DOCK3: variants seen among roughly 807,000 people sequenced by gnomAD.
DOCK3 encodes the protein dedicator of cytokinesis 3, also known as dedicator of cytokinesis protein 3.
DOCK3 carries 60 observed loss-of-function variants against 265.6 expected under a neutral mutation model. The observed-to-expected ratio is 0.23, with a 90% CI of 0.18 to 0.28. The LOEUF (loss-of-function observed/expected upper bound fraction) is 0.28. Among genes scored for constraint, DOCK3 ranks in the 10% least tolerant of loss-of-function variants. The pLI, the probability that DOCK3 is intolerant of heterozygous loss-of-function variation, is 1.00. For synonymous variants in DOCK3, 881 were observed against 938.0 expected, an observed-to-expected ratio of 0.94 and a Z score of 1.11; for missense variants, 1,981 against 2,594.3, an observed-to-expected ratio of 0.76 and a Z score of 5.14.
At chr3:50,828,429 A>G (rs766998701) in intron 2 of DOCK3, among the ~76,000 whole-genome samples, 1 of 151,466 alleles carries the variant, frequency 6.6e-6, no homozygotes, top group Non-Finnish European at 1.5e-5. Flanking sequence ...TTTTGAGACA[A>G]AGTCTCACTA....
intron 1 of DOCK3, among the ~76,000 whole-genome samples, chr3:50,694,010 T>G (rs886421951): frequency 1.3e-5 from 2 of 152,024 alleles, no homozygotes; most frequent in Non-Finnish European, 2.9e-5. Flanking sequence ...GGCTCACGCC[T>G]GTAATCCCAG....
chr3:50,812,843 C>T (rs557287656), intron 2 of DOCK3, among the ~76,000 whole-genome samples: 36 of 152,316 alleles, frequency 2.4e-4, no homozygotes, highest in Non-Finnish European at 4.4e-4. Context: ...TAATAGTAAC[C>T]ATCACAGGCC....
chr3:50,873,872 C>A (rs574866225), intron 3 of DOCK3, among the ~76,000 whole-genome samples: 2 of 152,298 alleles, frequency 1.3e-5, no homozygotes, highest in Admixed American at 1.3e-4. Context: ...GTTTCTCCCC[C>A]AGCATACAGA....
chr3:51,305,723 T>TGTGC (rs1560398027), intron 27 of DOCK3, among the ~76,000 whole-genome samples: 2 of 48,808 alleles, frequency 4.1e-5, no homozygotes, highest in East Asian at 1.5e-3. Context: ...TGTCTGTGTG[T>TGTGC]GTGTGTGTGC....
chr3:51,279,974 A>C (rs1271927798), intron 26 of DOCK3, 132 bp from the exon 27 acceptor site: 4 of 696,348 alleles, frequency 5.7e-6, no homozygotes, highest in Non-Finnish European at 9.8e-6. Context: ...TTAGAGGGCT[A>C]GATTTGTCAT....
intron 28 of DOCK3, among the ~76,000 whole-genome samples, 154 bp downstream of exon 28, chr3:51,310,480 G>A (rs1261061019): frequency 6.6e-6 from 1 of 152,200 alleles, no homozygotes; most frequent in Non-Finnish European, 1.5e-5. Flanking sequence ...ACATTTTTGT[G>A]CTTAGTAGAT....
At chr3:51,321,798 G>A (rs545581044) in intron 32 of DOCK3, among the ~76,000 whole-genome samples, 2 of 152,148 alleles carry the variant, frequency 1.3e-5, no homozygotes, top group South Asian at 2.1e-4. Flanking sequence ...GAAAAGGAAT[G>A]AACAAAGCCT....
intron 1 of DOCK3, among the ~76,000 whole-genome samples, chr3:50,733,993 A>G (rs952401027): frequency 6.6e-6 from 1 of 152,212 alleles, no homozygotes; most frequent in African/African-American, 2.4e-5. Context: ...TTGACACAAC[A>G]TTGTGACTGT....
In DOCK3 at chr3:51,276,535, G is replaced by T. The variant is rs553211653; in HGVS notation, c.2677-1073G>T. On this transcript the variant is annotated intron_variant, in intron 25 of 52. Coordinates refer to ENST00000266037, the MANE Select transcript of DOCK3 (RefSeq NM_004947.5). Reference sequence around the variant, plus strand: ...ATAACTACCCAAAGATACATCACTGGTAAGTGTTATGATCAGTTCGACAGA... The same window carrying T: ...ATAACTACCCAAAGATACATCACTGTTAAGTGTTATGATCAGTTCGACAGA... 11 of 639,022 alleles carry T rather than the reference G, an allele frequency of 1.7e-5. No homozygotes were observed. The African/African-American group carries it at 2.2e-4, about 13-fold the overall frequency. 39.6% of individuals were successfully genotyped at this position (639,022 alleles called of 1,614,324 possible). A position where few individuals can be genotyped will look rare whatever the true frequency, so the allele number is the denominator to read the frequency against.
intron 10 of DOCK3, among the ~76,000 whole-genome samples, chr3:51,149,383 A>G (rs979114662): frequency 6.6e-5 from 10 of 152,154 alleles, no homozygotes; most frequent in African/African-American, 2.4e-4. Flanking sequence ...TATGTTGAAT[A>G]GGAGTGGTGA....
chr3:50,820,213 C>T (rs1576538757), intron 2 of DOCK3, among the ~76,000 whole-genome samples: 1 of 152,214 alleles, frequency 6.6e-6, no homozygotes, highest in East Asian at 1.9e-4. Context: ...CTTGCTTTCA[C>T]TTTACTCTGT....
chr3:50,970,553 C>A (rs2077167736), intron 5 of DOCK3, among the ~76,000 whole-genome samples: 2 of 151,704 alleles, frequency 1.3e-5, no homozygotes, highest in African/African-American at 4.8e-5. Context: ...CTCTGAGATT[C>A]TTTCCTCTGC....
intron 1 of DOCK3, among the ~76,000 whole-genome samples, chr3:50,772,014 C>G (rs1161301193): frequency 6.6e-6 from 1 of 152,166 alleles, no homozygotes; most frequent in Admixed American, 6.5e-5. Flanking sequence ...CAGCACTGTT[C>G]ACAATAGCCA....
At chr3:51,052,779 A>G (rs534285371) in intron 5 of DOCK3, among the ~76,000 whole-genome samples, 15 of 152,138 alleles carry the variant, frequency 9.9e-5, no homozygotes, top group African/African-American at 3.4e-4. Flanking sequence ...GACAGATGCT[A>G]TATGTAATCA....
At chr3:51,381,000 C>T (rs377131788) in intron 52 of DOCK3, 50 bp from the exon 53 acceptor site, 1 of 1,529,504 alleles carries the variant, frequency 6.5e-7, no homozygotes. Flanking sequence ...GCGGGCAAGT[C>T]AGCCTGTCTG....
chr3:51,309,189 G>A lies in DOCK3; in HGVS notation c.2923-1043G>A, dbSNP rs955318429. The stretch of plus-strand genomic sequence containing the variant: ...TCACTTCCCAGACGGGGTGGCGGCC[G>A]GGCAGAGGCTGCAATCTCGGCACTT... On this transcript the variant is annotated intron_variant, in intron 27 of 52. Transcript: ENST00000266037. Among the ~76,000 whole-genome samples, 5 of 152,146 alleles carry A rather than the reference G, an allele frequency of 3.3e-5. No individual in the cohort carries two copies. In the East Asian group the frequency reaches 5.8e-4, roughly 18 times the overall value.
chr3:51,030,782 G>C (rs1275508374), intron 5 of DOCK3, among the ~76,000 whole-genome samples: 1 of 152,104 alleles, frequency 6.6e-6, no homozygotes, highest in East Asian at 1.9e-4. Context: ...GACAACCTTG[G>C]CAGCACAAAC....
At chr3:50,810,555 T>C (rs1454820354) in intron 2 of DOCK3, among the ~76,000 whole-genome samples, 1 of 152,098 alleles carries the variant, frequency 6.6e-6, no homozygotes, top group Non-Finnish European at 1.5e-5. Flanking sequence ...AAAAATTTTT[T>C]TTTAAATTTA....
rs143808545 is a variant in DOCK3 at position 50,881,005 on chromosome 3, A to C, written c.163-9021A>C. 1.1e-3 allele frequency among the ~76,000 whole-genome samples: 163 copies of C among 152,350 alleles called. 1 individual carries two copies. The highest frequency in any genetic ancestry group is 9.0e-3 in the Admixed American group (138 of 15,298). ...AATCAATAAATGTAATCCATCACATAAACAGAACCAAAGACAAAATCCACA... is the reference window on the plus strand; with the variant it reads ...AATCAATAAATGTAATCCATCACATCAACAGAACCAAAGACAAAATCCACA... On this transcript the variant is annotated intron_variant, in intron 3 of 52. Transcript: ENST00000266037.
Sources: allele counts gnomAD v4.1 joint callset (sites outside exome capture counted in the v4.1 genomes callset), GRCh38; gene constraint gnomAD v4.1.1; transcripts MANE v1.5; gene names NCBI Gene and HGNC (gene_info 2026-07-23, HGNC 2026-07-21).